THOP1: variants seen among roughly 807,000 people sequenced by gnomAD.
THOP1 encodes thimet oligopeptidase 1, also known as thimet oligopeptidase.
In THOP1, 49 loss-of-function variants were observed where a neutral mutation model predicts 71.8. The ratio of observed to expected loss-of-function variants is 0.68; its 90% CI spans 0.54 to 0.87. THOP1 has a LOEUF of 0.87. Ranked by LOEUF, THOP1 falls within the 40% of genes least tolerant of loss-of-function variation. The pLI is 0.00. For missense variants in THOP1, 843 were observed against 975.6 expected, an observed-to-expected ratio of 0.86 and a Z score of 1.81; for synonymous variants, 426 against 421.5, an observed-to-expected ratio of 1.01 and a Z score of -0.13.
intron 7 of THOP1, 131 bp from the exon 8 acceptor site, chr19:2,807,311 G>T: frequency 7.2e-7 from 1 of 1,393,002 alleles, no homozygotes; most frequent in East Asian, 2.5e-5. Flanking sequence ...GGCCCCTCGA[G>T]GGGTTGCCGG....
intron 4 of THOP1, among the ~76,000 whole-genome samples, chr19:2,798,733 C>A (rs753211592): frequency 6.6e-6 from 1 of 152,272 alleles, no homozygotes; most frequent in Non-Finnish European, 1.5e-5. Flanking sequence ...GCACAGTTTC[C>A]CCCTGCTGCC....
At chr19:2,786,678 C>G (rs1037064852) in intron 1 of THOP1, among the ~76,000 whole-genome samples, 1 of 151,910 alleles carries the variant, frequency 6.6e-6, no homozygotes, top group African/African-American at 2.4e-5. Flanking sequence ...ACAGGCTCAC[C>G]GCAACCTCCG....
chr19:2,813,072 C>G, intron 12 of THOP1, 43 bp from the exon 13 acceptor site: 1 of 1,565,090 alleles, frequency 6.4e-7, no homozygotes, highest in Non-Finnish European at 8.7e-7. Context: ...CTGCCTTCCT[C>G]CCTGGGTCCC....
intron 8 of THOP1, 146 bp from the exon 9 acceptor site, chr19:2,808,097 A>G: frequency 1.0e-6 from 1 of 1,001,568 alleles, no homozygotes; most frequent in Admixed American, 2.7e-5. Context: ...GCCCTGCGCC[A>G]AGCCACCTCT....
rs905684638 is a variant in THOP1, at chr19:2,786,435, G to T, written c.16+757G>T. On this transcript the variant is annotated intron_variant, in intron 1 of 12. Coordinates refer to ENST00000307741, the MANE Select transcript of THOP1 (RefSeq NM_003249.5). ...TAATTTTTTGTAGAAACGAGGTTTC[G>T]CCATGTTGCCCAGGCTGGTCTTGAA... Among the ~76,000 whole-genome samples the T allele has an allele frequency of 2.0e-5, 3 of 151,968 alleles. No individual in the cohort carries two copies. The East Asian group carries it at 5.8e-4, about 29-fold the overall frequency.
chr19:2,786,403 A>C (rs1915743201), intron 1 of THOP1, among the ~76,000 whole-genome samples: 1 of 151,884 alleles, frequency 6.6e-6, no homozygotes, highest in African/African-American at 2.4e-5. Context: ...GCACCACCAC[A>C]CTTGGCTAAT....
At chr19:2,810,075 G>T in intron 9 of THOP1, 1 of 580,442 alleles carries the variant, frequency 1.7e-6, no homozygotes, top group South Asian at 2.2e-5. Flanking sequence ...TCCAGGGACG[G>T]GGTCATGTGG....
In THOP1 at chr19:2,790,496, A is replaced by T. The variant is rs776021207; in HGVS notation, c.92A>T (p.Gln31Leu). 6.2e-7 allele frequency: 1 copy of T among 1,606,628 alleles called. No individual in the cohort carries two copies. Among genetic ancestry groups the T allele is most frequent in the Non-Finnish European group, 8.5e-7 (1 of 1,176,498 alleles). ...VNDLRWDLSA[Q>L]QIEERTRELI... is the part of the protein sequence containing the mutation. ...GACCTGCGGTGGGACCTGAGTGCCC[A>T]GCAGATAGAGGAGCGCACCAGGGAG... Residue 31 changes from glutamine to leucine, a missense_variant, in exon 2 of 13, where the codon CAG becomes CTG. Transcript: ENST00000307741.
Position 2,794,835 on chromosome 19 carries a change from G to T in THOP1, c.301G>T (p.Ala101Ser). The T allele has an allele frequency of 6.2e-7, 1 of 1,614,042 alleles. No individual in the cohort carries two copies. Among genetic ancestry groups the T allele is most frequent in the Non-Finnish European group, 8.5e-7 (1 of 1,179,976 alleles). Residue 101 changes from alanine to serine, a missense_variant, in exon 3 of 13, where the codon GCC becomes TCC. Transcript: ENST00000307741. ...GGACATCCGGACAGCCAGCACAGAG[G>T]CCGACAAGAAGCTCTCTGAGTTCGA... The part of the protein sequence containing the change: ...SKDIRTASTE[A>S]DKKLSEFDVE...
Position 2,785,582 on chromosome 19 carries a change from C to A in THOP1, c.-81C>A. On this transcript the variant is annotated 5_prime_UTR_variant, in exon 1 of 13. Coordinates refer to ENST00000307741, the MANE Select transcript of THOP1 (RefSeq NM_003249.5). Reference sequence around the variant, plus strand: ...GGCGGTGGCGGCGGTTGGGCCGAGGCAGGCGGCCTCAGTGGCCGAGGTGGC... The same window carrying A: ...GGCGGTGGCGGCGGTTGGGCCGAGGAAGGCGGCCTCAGTGGCCGAGGTGGC... 6.9e-7 allele frequency: 1 copy of A among 1,450,642 alleles called. No homozygotes were observed. The allele number at this position is 1,450,642 out of a possible 1,614,324, so 89.9% of individuals were successfully genotyped here.
chr19:2,812,091 C>T (rs762721397), intron 12 of THOP1: 162 of 1,330,506 alleles, frequency 1.2e-4, no homozygotes, highest in Admixed American at 7.2e-4. Flanking sequence ...TCTTCCCATA[C>T]GAGTCCTTCC....
At chr19:2,812,221 C>T (rs1043806374) in intron 12 of THOP1, 15 of 1,526,482 alleles carry the variant, frequency 9.8e-6, no homozygotes, top group Non-Finnish European at 1.3e-5. Flanking sequence ...GAAGTGCGGC[C>T]GTTACGCCAT....
chr19:2,812,385 CA>C (rs1599534901), intron 12 of THOP1: 3 of 1,502,574 alleles, frequency 2.0e-6, no homozygotes, highest in African/African-American at 2.8e-5. Context: ...ACCTCGGAGC[CA>C]CCAAGCAGGC....
At chr19:2,787,808 C>T (rs1053754169) in intron 1 of THOP1, among the ~76,000 whole-genome samples, 5 of 152,130 alleles carry the variant, frequency 3.3e-5, no homozygotes, top group South Asian at 4.1e-4. Flanking sequence ...GGATGGAGGC[C>T]GGGGACGCTG....
intron 3 of THOP1, 85 bp from the exon 4 acceptor site, chr19:2,795,996 A>T (rs890557155): frequency 2.9e-6 from 3 of 1,045,282 alleles, no homozygotes; most frequent in Admixed American, 4.0e-5. Context: ...GGGCCGGATG[A>T]TCAGGTTTTT....
At chr19:2,786,274 T>C (rs1915739761) in intron 1 of THOP1, among the ~76,000 whole-genome samples, 1 of 152,156 alleles carries the variant, frequency 6.6e-6, no homozygotes, top group Non-Finnish European at 1.5e-5. Flanking sequence ...TTGTTATTTA[T>C]TTACTTTGTC....
At position 2,804,228 on chromosome 19, in the gene THOP1, C is replaced by G; in HGVS notation, c.590-788C>G. 6.6e-6 allele frequency among the ~76,000 whole-genome samples: 1 copy of G among 152,360 alleles called. No individual in the cohort carries two copies. Among genetic ancestry groups the G allele is most frequent in the Non-Finnish European group, 1.5e-5 (1 of 68,028 alleles). On this transcript the variant is annotated intron_variant, in intron 5 of 12. Transcript: ENST00000307741. This position sits in a 1 kb window ranked among gnomAD's most constrained non-coding sequence, Gnocchi z 4.7. ...CCCCAGAGGGTTTCAGTCCGGGATGCTGCCGCCCCCACTTCTCTTGAGGCT... is the reference window on the plus strand; with the variant it reads ...CCCCAGAGGGTTTCAGTCCGGGATGGTGCCGCCCCCACTTCTCTTGAGGCT...
At chr19:2,800,734 G>T (rs1464188620) in intron 5 of THOP1, among the ~76,000 whole-genome samples, 17 of 152,310 alleles carry the variant, frequency 1.1e-4, no homozygotes, top group Admixed American at 1.0e-3. Flanking sequence ...TCAGCTTCTG[G>T]CACTCAGGAG....
chr19:2,810,750 G>T lies in THOP1; in HGVS notation c.1753G>T (p.Gly585Trp). The T allele has an allele frequency of 1.2e-6, 2 of 1,602,026 alleles. No homozygotes were observed. The highest frequency in any genetic ancestry group is 2.2e-5 in the East Asian group (1 of 44,598). Residue 585 changes from glycine (G) to tryptophan (W), a missense_variant, in exon 11 of 13, where the codon GGG (glycine) becomes TGG (tryptophan). Physicochemically the swap from Gly to Trp is radical, Grantham distance 184 (BLOSUM62 -2). Transcript: ENST00000307741. ...TGCGCGGCTCTGCCAGGAGATCCTC[G>T]GGGTCCCGGCCACGCCAGGTAGCCA... ...EYARLCQEIL[G>W]VPATPGTNMP...
Sources: gnomAD v4.1 joint callset for allele counts (sites outside exome capture counted in the v4.1 genomes callset) on GRCh38, gnomAD v4.1.1 for gene constraint, Gnocchi (gnomAD v3.1) non-coding constraint, MANE v1.5 for transcripts, NCBI Gene and HGNC (gene_info 2026-07-23, HGNC 2026-07-21) for gene names.